Variants in EPHA3 observed in about 807,000 individuals in gnomAD.
EPHA3 encodes ephrin type-A receptor 3.
EPHA3 carries 42 observed loss-of-function variants against 107.1 expected under a neutral mutation model. The ratio of observed to expected loss-of-function variants is 0.39; its 90% CI spans 0.31 to 0.51. The LOEUF is 0.51. Among genes scored for constraint, EPHA3 ranks in the 20% least tolerant of loss-of-function variants. EPHA3 has a pLI of 0.78. For synonymous variants in EPHA3, 461 were observed against 424.8 expected (o/e 1.09, Z -1.05); for missense variants, 1,183 against 1,211.2 (o/e 0.98, Z 0.35).
At chr3:89,335,357 G>T (rs1381458042) in intron 3 of EPHA3, among the ~76,000 whole-genome samples, 1 of 152,090 alleles carries the variant, frequency 6.6e-6, no homozygotes, top group Non-Finnish European at 1.5e-5. Flanking sequence ...CATTCATGAG[G>T]ACTCTGCCTT....
At chr3:89,248,005 C>T (rs1705076042) in intron 3 of EPHA3, among the ~76,000 whole-genome samples, 1 of 152,110 alleles carries the variant, frequency 6.6e-6, no homozygotes, top group African/African-American at 2.4e-5. Flanking sequence ...CTACTTGTCC[C>T]TCTGTTAATG....
chr3:89,436,670 T>C (rs1305357879), intron 13 of EPHA3, among the ~76,000 whole-genome samples: 1 of 152,166 alleles, frequency 6.6e-6, no homozygotes, highest in Non-Finnish European at 1.5e-5. Context: ...ATTTAAAACT[T>C]CTTAAACTTT....
chr3:89,371,953 T>G (rs1365774707), intron 5 of EPHA3, among the ~76,000 whole-genome samples: 1 of 151,440 alleles, frequency 6.6e-6, no homozygotes, highest in Admixed American at 6.6e-5. Flanking sequence ...TGTAGGGCAA[T>G]TCTCTATGAT....
intron 3 of EPHA3, among the ~76,000 whole-genome samples, chr3:89,268,253 T>G (rs1277659564): frequency 6.6e-6 from 1 of 152,088 alleles, no homozygotes; most frequent in Non-Finnish European, 1.5e-5. Flanking sequence ...TCACAAATTC[T>G]GACACTTAGT....
intron 1 of EPHA3, among the ~76,000 whole-genome samples, chr3:89,113,001 G>A (rs1174278647): frequency 6.6e-6 from 1 of 152,096 alleles, no homozygotes; most frequent in Admixed American, 6.6e-5. Flanking sequence ...AACAGATGCA[G>A]GTGTCTCCTT....
chr3:89,316,969 T>A (rs1284353811), intron 3 of EPHA3, among the ~76,000 whole-genome samples: 1 of 151,728 alleles, frequency 6.6e-6, no homozygotes, highest in Non-Finnish European at 1.5e-5. Flanking sequence ...ATAACCTTTC[T>A]AAGATCACTT....
chr3:89,344,921 A>C (rs1345480415), intron 5 of EPHA3, among the ~76,000 whole-genome samples: 1 of 151,626 alleles, frequency 6.6e-6, no homozygotes, highest in African/African-American at 2.4e-5. Flanking sequence ...GTGAGATAAG[A>C]AAGTAGGCCA....
At chr3:89,211,736 TCTTCTC>T (rs200349635) in intron 3 of EPHA3, among the ~76,000 whole-genome samples, 281 of 10,654 alleles carry the variant, frequency 0.026, 53 homozygotes, top group Middle Eastern at 0.062. Context: ...TTCTTCTTCT[TCTTCTC>T]CTTCTTCTTC....
At chr3:89,208,462 G>GAAAGAAAGAAAC (rs1553664805) in intron 2 of EPHA3, among the ~76,000 whole-genome samples, 2 of 104,460 alleles carry the variant, frequency 1.9e-5, no homozygotes, top group African/African-American at 4.8e-5. Context: ...AAGAAAGAAA[G>GAAAGAAAGAAAC]AAAGAAAGAA....
intron 3 of EPHA3, among the ~76,000 whole-genome samples, chr3:89,303,833 C>T (rs1706548019): frequency 6.6e-6 from 1 of 152,118 alleles, no homozygotes. Context: ...TCCATACATA[C>T]AAATAGTTCA....
At chr3:89,354,567 A>G (rs1349997912) in intron 5 of EPHA3, among the ~76,000 whole-genome samples, 1 of 151,172 alleles carries the variant, frequency 6.6e-6, no homozygotes, top group African/African-American at 2.4e-5. Context: ...TATGACTATG[A>G]GGTATGGCAC....
chr3:89,399,602 G>C, intron 7 of EPHA3, 122 bp downstream of exon 7: 1 of 1,425,410 alleles, frequency 7.0e-7, no homozygotes, highest in Non-Finnish European at 9.3e-7. Context: ...TATATTGCTT[G>C]GGACATTGCA....
chr3:89,161,482 A>G (rs1051121613), intron 2 of EPHA3, among the ~76,000 whole-genome samples: 4 of 152,152 alleles, frequency 2.6e-5, no homozygotes, highest in African/African-American at 7.2e-5. Flanking sequence ...CTAACAATGT[A>G]TCTTGGAGAT....
At chr3:89,471,574 G>A (rs958632910) in intron 15 of EPHA3, among the ~76,000 whole-genome samples, 16 of 152,048 alleles carry the variant, frequency 1.1e-4, no homozygotes, top group Admixed American at 6.5e-5. Flanking sequence ...ATGTTGGTGA[G>A]GTTGGTCTCG....
rs900744697 is a variant in EPHA3 at position 89,357,567 on chromosome 3, A to G, written c.1306+15477A>G. Among the ~76,000 whole-genome samples, 6 of 151,314 alleles carry G rather than the reference A, an allele frequency of 4.0e-5. 1 individual carries two copies. The highest frequency in any genetic ancestry group is 5.9e-5 in the Non-Finnish European group (4 of 67,592). ...ACCTAAGGAGGGCAATTGGGTATAT[A>G]TCCTCTAAAATGAAGTACATGTTAT... On this transcript the variant is annotated intron_variant, in intron 5 of 16. Coordinates refer to ENST00000336596, the MANE Select transcript of EPHA3 (RefSeq NM_005233.6).
At chr3:89,225,273 T>C (rs1470852978) in intron 3 of EPHA3, among the ~76,000 whole-genome samples, 1 of 152,174 alleles carries the variant, frequency 6.6e-6, no homozygotes. Flanking sequence ...ATTCTATGAC[T>C]GGAAAAGTCA....
In EPHA3 at chr3:89,365,687, T is replaced by G. The variant is rs932072164; in HGVS notation, c.1306+23597T>G. On this transcript the variant is annotated intron_variant, in intron 5 of 16. Transcript: ENST00000336596. ...ACTATTCACACACATTGACTTCCTT[T>G]TGGTTCCTGAACCTACTTAGCATCA... Among the ~76,000 whole-genome samples the G allele has an allele frequency of 2.0e-5, 3 of 150,656 alleles. 1 individual carries two copies. Among genetic ancestry groups the G allele is most frequent in the Non-Finnish European group, 4.5e-5 (3 of 67,250 alleles).
At chr3:89,398,276 A>G (rs1471854456) in intron 6 of EPHA3, among the ~76,000 whole-genome samples, 1 of 152,188 alleles carries the variant, frequency 6.6e-6, no homozygotes, top group Non-Finnish European at 1.5e-5. Flanking sequence ...GCTTGAAATC[A>G]GGTTCCTCAT....
intron 5 of EPHA3, among the ~76,000 whole-genome samples, chr3:89,342,873 A>G (rs1445709114): frequency 6.6e-6 from 1 of 151,198 alleles, no homozygotes; most frequent in Non-Finnish European, 1.5e-5. Flanking sequence ...ACACACACAC[A>G]CACACACACA....
Sources: allele counts gnomAD v4.1 joint callset (sites outside exome capture counted in the v4.1 genomes callset), GRCh38; gene constraint gnomAD v4.1.1; transcripts MANE v1.5; gene names NCBI Gene and HGNC (gene_info 2026-07-23, HGNC 2026-07-21).